Variants in COL6A1 observed in about 807,000 individuals in gnomAD.
COL6A1 encodes collagen alpha-1(VI) chain.
Under a neutral mutation model 145.6 loss-of-function variants are expected in COL6A1, and 80 were observed. The ratio of observed to expected loss-of-function variants is 0.55; its 90% CI spans 0.46 to 0.66. COL6A1 has a LOEUF of 0.66. COL6A1 is among the 30% of genes least tolerant of loss of function. The pLI is 0.00. For missense variants in COL6A1, 1,364 were observed against 1,473.8 expected (o/e 0.93, Z 1.22); for synonymous variants, 638 against 622.8 (o/e 1.02, Z -0.36).
chr21:45,992,564 G>C (rs1028436263), intron 18 of COL6A1, among the ~76,000 whole-genome samples, 166 bp downstream of exon 18: 1 of 152,244 alleles, frequency 6.6e-6, no homozygotes, highest in African/African-American at 2.4e-5. Context: ...CACAGTCTCA[G>C]AGCGGGTGGG....
rs775893001 is a variant in COL6A1, at chr21:45,986,704, C to T, written c.588+19C>T. The T allele has an allele frequency of 7.5e-5, 115 of 1,541,966 alleles. No individual in the cohort carries two copies. The highest frequency in any genetic ancestry group is 3.8e-4 in the Middle Eastern group (2 of 5,242). On this transcript the variant is annotated intron_variant, in intron 4 of 34. Coordinates refer to ENST00000361866, the MANE Select transcript of COL6A1 (RefSeq NM_001848.3). ...CCACCTGGTAGGCACCGGCCCCCCC[C>T]GGCAGATGCCCCCAACCACAGGGAG...
At chr21:45,992,700 G>A (rs1411788047) in intron 18 of COL6A1, 48 bp from the exon 19 acceptor site, 1 of 1,537,236 alleles carries the variant, frequency 6.5e-7, no homozygotes, top group South Asian at 1.2e-5. Context: ...CCAGCTGGGT[G>A]TGAGTTCCAG....
At chr21:46,001,024 A>C in intron 29 of COL6A1, 1 of 710,170 alleles carries the variant, frequency 1.4e-6, no homozygotes, top group Non-Finnish European at 2.3e-6. Context: ...ATTCTGGCCC[A>C]CAGGCCCCAC....
In COL6A1 at chr21:45,987,020, G is replaced by T. The variant is rs780638665; in HGVS notation, c.665G>T (p.Arg222Leu). 1.3e-6 allele frequency: 2 copies of T among 1,551,350 alleles called. No individual in the cohort carries two copies. Among genetic ancestry groups the T allele is most frequent in the Non-Finnish European group, 1.7e-6 (2 of 1,147,830 alleles). Residue 222 changes from arginine (R) to leucine (L), a missense_variant, in exon 5 of 35, where the codon CGC becomes CTC. By Grantham distance (102) the Arg-to-Leu change is moderately radical. This residue lies in a region of COL6A1 where 414 missense variants were observed against 437.6 expected (regional missense o/e 0.95). Transcript: ENST00000361866. ...NFTAADWGQS[R>L]DAEEAISQTI... Reference sequence around the variant, plus strand: ...ACGGCGGCTGACTGGGGCCAGAGCCGCGACGCAGAGGAGGCCATCAGCCAG... The same window carrying T: ...ACGGCGGCTGACTGGGGCCAGAGCCTCGACGCAGAGGAGGCCATCAGCCAG...
chr21:46,002,218 A>T lies in COL6A1; in HGVS notation c.2067A>T (p.Glu689Asp). The T allele has an allele frequency of 6.2e-7, 1 of 1,600,554 alleles. No homozygotes were observed. Among genetic ancestry groups the T allele is most frequent in the South Asian group, 1.1e-5 (1 of 89,368 alleles). The change falls in exon 32 of 35, where the codon GAA becomes GAT. Residue 689 changes from glutamate to aspartate, a missense_variant and splice_region_variant. Around this residue, in one of 3 missense-constraint regions of COL6A1, gnomAD observed 938 missense variants for 1,003.8 expected, o/e 0.93. Coordinates refer to ENST00000361866, the MANE Select transcript of COL6A1 (RefSeq NM_001848.3). ...GCCCTTCCTGCCCTTTGCTATGCAG[A>T]GCCATCAAGAGCCTGCAGTGGATGG... ...PSIRNVQELK[E>D]AIKSLQWMAG...
chr21:45,991,326 A>G (rs2077775993), intron 15 of COL6A1, among the ~76,000 whole-genome samples: 1 of 152,128 alleles, frequency 6.6e-6, no homozygotes, highest in African/African-American at 2.4e-5. Flanking sequence ...CTCGGCACAG[A>G]TGGGACCCCA....
chr21:45,998,917 C>A lies in COL6A1; in HGVS notation c.1632C>A (p.Gly544=), dbSNP rs959788826. 1 of 1,556,234 alleles carries A rather than the reference C, an allele frequency of 6.4e-7. No homozygotes were observed. The highest frequency in any genetic ancestry group is 1.4e-5 in the African/African-American group (1 of 73,898). Reference sequence around the variant, plus strand: ...TGCAGGGCACGAAGGGCTACCCCGGCCTCAAGGGGGACGAGGGAGAAGCCG... The same window carrying A: ...TGCAGGGCACGAAGGGCTACCCCGGACTCAAGGGGGACGAGGGAGAAGCCG... ...PGINGTKGYP[G]LKGDEGEAGD... is the part of the protein sequence containing the mutation. The change falls in exon 25 of 35, where the codon GGC becomes GGA. Residue 544 remains glycine, a synonymous_variant. Transcript: ENST00000361866.
intron 20 of COL6A1, among the ~76,000 whole-genome samples, chr21:45,995,005 G>A (rs2077797198): frequency 6.6e-6 from 1 of 152,260 alleles, no homozygotes; most frequent in Non-Finnish European, 1.5e-5. Flanking sequence ...CACGGCAGCT[G>A]TCTCAGACGT....
At chr21:45,998,614 C>T (rs890486580) in intron 24 of COL6A1, among the ~76,000 whole-genome samples, 181 bp downstream of exon 24, 1 of 152,182 alleles carries the variant, frequency 6.6e-6, no homozygotes, top group Non-Finnish European at 1.5e-5. Flanking sequence ...TCCTGCAGGC[C>T]CTGCGAGGCT....
At chr21:45,992,915 T>C (rs894335633) in intron 19 of COL6A1, 105 bp downstream of exon 19, 6 of 1,087,286 alleles carry the variant, frequency 5.5e-6, no homozygotes, top group Non-Finnish European at 8.1e-6. Flanking sequence ...GAAGCCCCTG[T>C]GGCCCCTCAA....
chr21:46,000,025 ACCCGTGTG>A (rs2077833714), intron 27 of COL6A1, among the ~76,000 whole-genome samples: 1 of 30,950 alleles, frequency 3.2e-5, no homozygotes, highest in Non-Finnish European at 5.9e-5. Flanking sequence ...ATCATGGGGG[ACCCGTGTG>A]AGGATCATGG....
Position 45,984,810 on chromosome 21 carries a change from A to C in COL6A1, c.428+341A>C, listed in dbSNP as rs909004491. ...CAGAGACACAGAGAGAGACACAGAG[A>C]GACAGAGACGGGAACAGAGACAGGC... On this transcript the variant is annotated intron_variant, in intron 3 of 34. Transcript: ENST00000361866. Among the ~76,000 whole-genome samples, 13 of 152,272 alleles carry C rather than the reference A, an allele frequency of 8.5e-5. No individual in the cohort carries two copies. The South Asian group carries it at 1.7e-3, about 19-fold the overall frequency.
At position 46,004,299 on chromosome 21, in the gene COL6A1, T is replaced by A; in HGVS notation, c.*286T>A. 1.9e-6 allele frequency: 1 copy of A among 513,756 alleles called. No individual in the cohort carries two copies. The highest frequency in any genetic ancestry group is 3.5e-6 in the Non-Finnish European group (1 of 285,618). 31.8% of individuals were successfully genotyped at this position (513,756 alleles called of 1,614,324 possible). The stretch of plus-strand genomic sequence containing the variant: ...GGCTCAGCCCTGAGCTGGCGTCACC[T>A]GTGCAGGGCCCTCTGGGGCTCAGCC... On this transcript the variant is annotated 3_prime_UTR_variant, in exon 35 of 35. Coordinates refer to ENST00000361866, the MANE Select transcript of COL6A1 (RefSeq NM_001848.3).
chr21:45,992,244 T>A (rs1487779581), intron 17 of COL6A1, 27 bp downstream of exon 17: 14 of 1,613,578 alleles, frequency 8.7e-6, no homozygotes, highest in Admixed American at 8.3e-5. Context: ...GACACCTTCC[T>A]GGGGAAGTGC....
At chr21:46,000,391 C>T in intron 28 of COL6A1, 24 bp downstream of exon 28, 1 of 1,613,690 alleles carries the variant, frequency 6.2e-7, no homozygotes, top group Non-Finnish European at 8.5e-7. Flanking sequence ...AGAAGCCGTC[C>T]TCGTTAGGGA....
At position 45,997,532 on chromosome 21, in the gene COL6A1, A is replaced by G. The variant is rs549121730; in HGVS notation, c.1461+49A>G. ...CCCGCCCACCCAGGGGGGCCTGAGG[A>G]TCCAGAACCCACTGTCTGCCCAGTG... On this transcript the variant is annotated intron_variant, in intron 21 of 34. Transcript: ENST00000361866. 6.4e-4 allele frequency: 998 copies of G among 1,555,762 alleles called. 24 individuals carry two copies. The South Asian group carries it at 8.8e-3, about 14-fold the overall frequency.
intron 9 of COL6A1, 138 bp downstream of exon 9, chr21:45,989,275 TG>T: frequency 1.0e-6 from 1 of 956,674 alleles, no homozygotes; most frequent in Non-Finnish European, 1.6e-6. Flanking sequence ...GGAGCAGACC[TG>T]GAGGGGCCAC....
intron 32 of COL6A1, 58 bp from the exon 33 acceptor site, chr21:46,002,469 C>G: frequency 1.2e-6 from 2 of 1,613,326 alleles, no homozygotes; most frequent in Non-Finnish European, 8.5e-7. Flanking sequence ...GTGGCCTTGT[C>G]CCCAGAAAGA....
At position 46,002,358 on chromosome 21, in the gene COL6A1, G is replaced by GC; in HGVS notation, c.2207_2208insC (p.Arg736SerfsTer26). 1 of 1,593,604 alleles carries GC rather than the reference G, an allele frequency of 6.3e-7. No individual in the cohort carries two copies. The highest frequency in any genetic ancestry group is 8.5e-7 in the Non-Finnish European group (1 of 1,170,674). Reference sequence around the variant, plus strand: ...ACTGACGGGCGCTCAGACACTCAGAGGGACACCACACCGCTCAACGTGCTC... The same window carrying GC: ...ACTGACGGGCGCTCAGACACTCAGAGCGGACACCACACCGCTCAACGTGCTC... On this transcript the variant is annotated frameshift_variant, in exon 32 of 35. Coordinates refer to ENST00000361866, the MANE Select transcript of COL6A1 (RefSeq NM_001848.3). LOFTEE classifies it high-confidence loss of function.
Sources: allele counts gnomAD v4.1 joint callset (sites outside exome capture counted in the v4.1 genomes callset), GRCh38; gene constraint gnomAD v4.1.1; regional missense constraint gnomAD v4.1.1; transcripts MANE v1.5; gene names NCBI Gene and HGNC (gene_info 2026-07-23, HGNC 2026-07-21).